The following GATD3 variants were observed in gnomAD, a reference collection of about 807,000 sequenced individuals.
GATD3 encodes glutamine amidotransferase class 1 domain containing 3, also known as glutamine amidotransferase-like class 1 domain-containing protein 3, mitochondrial.
At chr21:44,140,822 CTTGGCT>C in the GATD3 span, 1 of 11,304 alleles carries the variant, frequency 8.8e-5, no homozygotes, top group South Asian at 2.6e-3. Context: ...ACGTAAGCGC[CTTGGCT>C]TACGTGGCGG....
chr21:44,141,988 T>C, the GATD3 span, among the ~76,000 whole-genome samples: 2 of 51,458 alleles, frequency 3.9e-5, 1 homozygote, highest in African/African-American at 1.0e-4. Flanking sequence ...GGGGCGGGTT[T>C]GTTTTGAGAG....
chr21:44,141,143 CCT>C, the GATD3 span: 4 of 552,406 alleles, frequency 7.2e-6, 1 homozygote, highest in South Asian at 6.9e-5. Flanking sequence ...CTATCGGAAT[CCT>C]CTGTCTCCCC....
At chr21:44,139,601 G>A in the GATD3 span, among the ~76,000 whole-genome samples, 320 of 73,750 alleles carry the variant, frequency 4.3e-3, 82 homozygotes, top group African/African-American at 8.9e-3. Context: ...GGTAGCGTCC[G>A]ATCGCACGGG....
At chr21:44,142,630 G>T in the GATD3 span, among the ~76,000 whole-genome samples, 4 of 75,936 alleles carry the variant, frequency 5.3e-5, 1 homozygote, top group African/African-American at 1.1e-4. Flanking sequence ...CTCAGTTTCA[G>T]GGCTGCTGCG....
At chr21:44,142,496 G>A in the GATD3 span, among the ~76,000 whole-genome samples, 3 of 68,170 alleles carry the variant, frequency 4.4e-5, 1 homozygote, top group African/African-American at 9.4e-5. Flanking sequence ...GGCGCTGGAC[G>A]ACACAGGTCA....
chr21:44,144,011 G>A, the GATD3 span, among the ~76,000 whole-genome samples: 1 of 58,224 alleles, frequency 1.7e-5, no homozygotes, highest in Non-Finnish European at 4.9e-5. Context: ...GGATCTGGGA[G>A]AATGTCCATG....
the GATD3 span, chr21:44,140,328 CG>C: frequency 1.5e-5 from 1 of 66,232 alleles, no homozygotes. Context: ...TCCACCAGGC[CG>C]GGAAGCCCAT....
the GATD3 span, among the ~76,000 whole-genome samples, chr21:44,144,266 C>G: frequency 5.6e-4 from 38 of 67,872 alleles, 10 homozygotes; most frequent in African/African-American, 1.3e-3. Flanking sequence ...GATAGGGGCA[C>G]GTGTCTTGGG....
At chr21:44,142,054 C>A in the GATD3 span, among the ~76,000 whole-genome samples, 1 of 34,786 alleles carries the variant, frequency 2.9e-5, no homozygotes, top group Non-Finnish European at 7.2e-5. Context: ...CTCCGCCTCC[C>A]GGGGTCAAGC....
the GATD3 span, among the ~76,000 whole-genome samples, chr21:44,142,797 T>A: frequency 1.5e-5 from 1 of 67,362 alleles, no homozygotes; most frequent in South Asian, 4.3e-4. Flanking sequence ...TATCTATTGC[T>A]GGGTCACAGA....
the GATD3 span, among the ~76,000 whole-genome samples, chr21:44,142,982 G>A: frequency 4.5e-4 from 9 of 19,960 alleles, no homozygotes; most frequent in African/African-American, 7.7e-4. Context: ...CCTGCAGGGC[G>A]TGCTTGGCGG....
the GATD3 span, among the ~76,000 whole-genome samples, chr21:44,137,906 T>C: frequency 0.059 from 1,668 of 28,196 alleles, 230 homozygotes; most frequent in African/African-American, 0.11. Flanking sequence ...CCCAAATTGG[T>C]CTGGAACTTC....
chr21:44,139,947 G>A, the GATD3 span, among the ~76,000 whole-genome samples: 74 of 106,614 alleles, frequency 6.9e-4, no homozygotes, highest in African/African-American at 2.1e-3. Context: ...GTTAGGAGCC[G>A]GAAACCAGCG....
chr21:44,141,942 A>G, the GATD3 span, among the ~76,000 whole-genome samples: 23 of 47,874 alleles, frequency 4.8e-4, 10 homozygotes, highest in East Asian at 0.016. Context: ...TTCATCTCAT[A>G]GGCAGCCAGA....
chr21:44,134,164 CAG>C, the GATD3 span: 2 of 42,072 alleles, frequency 4.8e-5, no homozygotes, highest in South Asian at 1.8e-4. Context: ...CGTAAGTCCT[CAG>C]GGGCAGCTGG....
At chr21:44,133,780 C>T in the GATD3 span, 2 of 427,558 alleles carry the variant, frequency 4.7e-6, 1 homozygote, top group African/African-American at 4.4e-5. Context: ...GGTCGGACGC[C>T]TTCCCAGCGC....
chr21:44,139,604 C>T, the GATD3 span, among the ~76,000 whole-genome samples: 14 of 73,910 alleles, frequency 1.9e-4, 4 homozygotes, highest in East Asian at 8.5e-4. Context: ...AGCGTCCGAT[C>T]GCACGGGTTG....
chr21:44,141,917 G>A, the GATD3 span, among the ~76,000 whole-genome samples: 2 of 41,226 alleles, frequency 4.9e-5, 1 homozygote, highest in African/African-American at 1.3e-4. Flanking sequence ...CCTGCGCAGA[G>A]GGCGGCAGGG....
the GATD3 span, among the ~76,000 whole-genome samples, chr21:44,142,489 G>C: frequency 3.0e-5 from 2 of 66,604 alleles, 1 homozygote; most frequent in South Asian, 8.6e-4. Flanking sequence ...GCCATGAGGC[G>C]CTGGACGACA....
Sources: gnomAD v4.1 joint callset for allele counts (sites outside exome capture counted in the v4.1 genomes callset) on GRCh38, gnomAD v4.1.1 for gene constraint, MANE v1.5 for transcripts, NCBI Gene and HGNC (gene_info 2026-07-23, HGNC 2026-07-21) for gene names.